The following INO80D variants were observed in gnomAD, a reference collection of about 807,000 sequenced individuals.
The protein encoded by INO80D is INO80 complex subunit D.
In INO80D, 21 loss-of-function variants were observed where a neutral mutation model predicts 87.6. The observed-to-expected ratio is 0.24, with a 90% confidence interval of 0.17 to 0.35. The LOEUF is 0.35. INO80D is among the 10% of genes least tolerant of loss of function. The pLI, the probability that INO80D is intolerant of heterozygous loss-of-function variation, is 1.00. For missense variants in INO80D, 982 were observed against 1,280.7 expected, an observed-to-expected ratio of 0.77 and a Z score of 3.56; for synonymous variants, 440 against 491.0, an observed-to-expected ratio of 0.90 and a Z score of 1.37.
rs1006216442 is a variant in INO80D at position 205,999,399 on chromosome 2, T to C, written c.*4969A>G. The C allele has an allele frequency of 1.3e-5, 2 of 152,208 alleles. No individual in the cohort carries two copies. Among genetic ancestry groups the C allele is most frequent in the African/African-American group, 4.8e-5 (2 of 41,442 alleles). The allele number at this position is 152,208 out of a possible 1,614,324, so 9.4% of individuals were successfully genotyped here. On this transcript the variant is annotated 3_prime_UTR_variant, in exon 11 of 11. Coordinates refer to ENST00000403263, the MANE Select transcript of INO80D (RefSeq NM_017759.5). ...TTTTTCTCTTATACGAGTATTGATC[T>C]AAACTTTAGATCACTAAAAACTGCT...
chr2:206,045,326 T>A (rs1689166387), intron 5 of INO80D, among the ~76,000 whole-genome samples: 1 of 152,232 alleles, frequency 6.6e-6, no homozygotes, highest in Non-Finnish European at 1.5e-5. Flanking sequence ...CCTCTAGGTA[T>A]ACTAACAAAT....
chr2:206,031,647 G>A (rs1030909105), intron 5 of INO80D, among the ~76,000 whole-genome samples: 1 of 152,204 alleles, frequency 6.6e-6, no homozygotes, highest in Non-Finnish European at 1.5e-5. Flanking sequence ...CCTAGGACTG[G>A]CTTAAAATAG....
chr2:206,081,378 A>G (rs1211904757), intron 1 of INO80D, among the ~76,000 whole-genome samples: 1 of 152,250 alleles, frequency 6.6e-6, no homozygotes, highest in African/African-American at 2.4e-5. Context: ...TAAGCCTACT[A>G]TAGTATGTAT....
At position 206,063,203 on chromosome 2, in the gene INO80D, C is replaced by T. The variant is rs540513048; in HGVS notation, c.-82G>A. On this transcript the variant is annotated 5_prime_UTR_variant, in exon 2 of 11. Transcript: ENST00000403263. Reference sequence around the variant, plus strand: ...AATGTTAAGAGAACCCCCAAGGATACCACAGTTTGGAATGCCGCAGAATCA... The same window carrying T: ...AATGTTAAGAGAACCCCCAAGGATATCACAGTTTGGAATGCCGCAGAATCA... 2.9e-5 allele frequency: 17 copies of T among 590,002 alleles called. No individual in the cohort carries two copies. Among genetic ancestry groups the T allele is most frequent in the African/African-American group, 2.7e-4 (14 of 52,072 alleles). The allele number at this position is 590,002 out of a possible 1,614,324, so 36.5% of individuals were successfully genotyped here.
chr2:206,025,528 C>CAAAAAAAAAAAA (rs71410856), intron 6 of INO80D: 21 of 54,526 alleles, frequency 3.9e-4, no homozygotes, highest in African/African-American at 9.9e-4. Flanking sequence ...AACTCCATCT[C>CAAAAAAAAAAAA]AAAAAAAAAA....
chr2:206,067,839 C>T (rs1027814249), intron 1 of INO80D, among the ~76,000 whole-genome samples: 1 of 151,956 alleles, frequency 6.6e-6, no homozygotes, highest in South Asian at 2.1e-4. Context: ...TTTTACAAAT[C>T]ATAGAAAGAA....
intron 5 of INO80D, among the ~76,000 whole-genome samples, chr2:206,029,172 GC>G (rs1688698526): frequency 6.6e-6 from 1 of 152,128 alleles, no homozygotes; most frequent in Non-Finnish European, 1.5e-5. Flanking sequence ...ACAGGCATGA[GC>G]CACCGAGCCC....
At chr2:206,014,624 A>T (rs1688270537) in intron 8 of INO80D, among the ~76,000 whole-genome samples, 1 of 151,950 alleles carries the variant, frequency 6.6e-6, no homozygotes, top group Non-Finnish European at 1.5e-5. Context: ...CTGTGAATCC[A>T]ATTAAACCTC....
chr2:206,025,089 A>G (rs978887416), intron 6 of INO80D, among the ~76,000 whole-genome samples: 1 of 151,880 alleles, frequency 6.6e-6, no homozygotes, highest in Admixed American at 6.6e-5. Flanking sequence ...TTTTCCCTCA[A>G]GTGACTTATG....
chr2:206,047,216 ATTTCT>A, intron 4 of INO80D, among the ~76,000 whole-genome samples: 1 of 151,942 alleles, frequency 6.6e-6, no homozygotes, highest in Middle Eastern at 3.4e-3. Context: ...AAAAGGCAGA[ATTTCT>A]TTTCTTTTTT....
chr2:206,074,972 G>A (rs888010023), intron 1 of INO80D, among the ~76,000 whole-genome samples: 2 of 147,154 alleles, frequency 1.4e-5, no homozygotes, highest in African/African-American at 5.1e-5. Context: ...CCAGGAGGCA[G>A]AGGTTGCTGT....
intron 8 of INO80D, among the ~76,000 whole-genome samples, chr2:206,013,867 A>G (rs1464326600): frequency 7.1e-6 from 1 of 141,666 alleles, no homozygotes; most frequent in African/African-American, 2.5e-5. Context: ...AAAAAAAAAA[A>G]GCCTATATTC....
chr2:206,083,392 A>G (rs1690337012), intron 1 of INO80D, among the ~76,000 whole-genome samples: 1 of 152,194 alleles, frequency 6.6e-6, no homozygotes, highest in Non-Finnish European at 1.5e-5. Flanking sequence ...TATATGCTCT[A>G]AAAATAAGGA....
At chr2:206,070,980 T>C (rs1689949099) in intron 1 of INO80D, among the ~76,000 whole-genome samples, 2 of 151,768 alleles carry the variant, frequency 1.3e-5, no homozygotes, top group South Asian at 4.2e-4. Context: ...CCTTTTCTTT[T>C]CTTTTTCACT....
chr2:206,064,956 T>G (rs1340121050), intron 1 of INO80D, among the ~76,000 whole-genome samples: 2 of 152,100 alleles, frequency 1.3e-5, no homozygotes, highest in Non-Finnish European at 2.9e-5. Flanking sequence ...TTTCACCTTA[T>G]GAGAATGTAA....
In INO80D at chr2:206,005,216, T is replaced by C; in HGVS notation, c.2236A>G (p.Thr746Ala). ...CCCTGGATCTGCCCTGCCAGGGGTG[T>C]AGGTGGGTTTGACAAGGTAGCAGAA... ...LRSATLSNPP[T>A]PLAGQIQGQF... Residue 746 changes from threonine (T) to alanine (A), a missense_variant, in exon 11 of 11, where the codon ACA becomes GCA. By Grantham distance (58) the Thr-to-Ala change is moderately conservative. Transcript: ENST00000403263. 2.5e-6 allele frequency: 4 copies of C among 1,613,954 alleles called. No homozygotes were observed. The highest frequency in any genetic ancestry group is 3.4e-6 in the Non-Finnish European group (4 of 1,179,870).
At chr2:206,083,627 A>G (rs141052008) in intron 1 of INO80D, among the ~76,000 whole-genome samples, 286 of 152,292 alleles carry the variant, frequency 1.9e-3, no homozygotes, top group African/African-American at 6.7e-3. Flanking sequence ...AGGCAGACGA[A>G]AGGAAAAGAA....
intron 1 of INO80D, among the ~76,000 whole-genome samples, chr2:206,081,743 T>G (rs2105914591): frequency 7.5e-6 from 1 of 133,272 alleles, no homozygotes; most frequent in Non-Finnish European, 1.6e-5. Context: ...GACAACAGAG[T>G]GAGACCCTGT....
intron 4 of INO80D, among the ~76,000 whole-genome samples, chr2:206,053,996 T>C (rs1054487396): frequency 8.6e-5 from 13 of 151,748 alleles, no homozygotes; most frequent in Non-Finnish European, 1.8e-4. Context: ...CACACCACCA[T>C]GCCTAGCTAA....
Sources: allele counts gnomAD v4.1 joint callset (sites outside exome capture counted in the v4.1 genomes callset), GRCh38; gene constraint gnomAD v4.1.1; transcripts MANE v1.5; gene names NCBI Gene and HGNC (gene_info 2026-07-23, HGNC 2026-07-21).